The following IQGAP2 variants were observed in gnomAD, a reference collection of about 807,000 sequenced individuals.
IQGAP2 encodes ras GTPase-activating-like protein IQGAP2.
In IQGAP2, 173 loss-of-function variants were observed where a neutral mutation model predicts 201.3. The observed-to-expected ratio is 0.86, with a 90% CI of 0.76 to 0.98. The LOEUF (loss-of-function observed/expected upper bound fraction) is 0.98, where lower values mean the gene tolerates loss of function less well. Ranked by LOEUF, IQGAP2 falls within the 50% of genes least tolerant of loss-of-function variation. The pLI is 0.00. For synonymous variants in IQGAP2, 675 were observed against 673.9 expected (o/e 1.00, Z -0.03); for missense variants, 1,687 against 1,864.8 (o/e 0.90, Z 1.76).
rs773595191 is a variant in IQGAP2 at position 76,562,501 on chromosome 5, G to T, written c.252G>T (p.Pro84=). The T allele has an allele frequency of 6.2e-7, 1 of 1,614,014 alleles. No homozygotes were observed. The highest frequency in any genetic ancestry group is 8.5e-7 in the Non-Finnish European group (1 of 1,179,904). Residue 84 remains proline (P), a synonymous_variant, in exon 3 of 36, where the codon CCG becomes CCT. Transcript: ENST00000274364. ...CAAAGTTAGCCAAGTTCTTTGCCCC[G>T]AAAATGGTATCAGAGAAAAAGATCT... ...YLAKLAKFFA[P]KMVSEKKIYD... is the part of the protein sequence containing the mutation.
intron 2 of IQGAP2, among the ~76,000 whole-genome samples, chr5:76,496,746 TTTCTTTCTTTCTTTCTTTCTTTCTTTC>T (rs1756962121): frequency 1.8e-5 from 1 of 56,880 alleles, no homozygotes; most frequent in African/African-American, 8.0e-5. Flanking sequence ...TCTTTCTTTC[TTTCTTTCTTTCTTTCTTTCTTTCTTTC>T]TTTCTTTCTT....
chr5:76,595,768 AAGAGAGAGAG>A (rs142088212), intron 9 of IQGAP2, among the ~76,000 whole-genome samples: 16 of 144,294 alleles, frequency 1.1e-4, no homozygotes, highest in East Asian at 4.1e-4. Context: ...CAAAAAAAGA[AAGAGAGAGAG>A]AGAGAGAGAG....
intron 13 of IQGAP2, chr5:76,618,362 G>C: frequency 6.2e-7 from 1 of 1,614,136 alleles, no homozygotes. Flanking sequence ...GCATCCACAG[G>C]GTCACAGCAT....
At chr5:76,539,904 T>C (rs1160906913) in intron 2 of IQGAP2, among the ~76,000 whole-genome samples, 3 of 152,210 alleles carry the variant, frequency 2.0e-5, no homozygotes. Context: ...AGGATGTTCT[T>C]CCTGTGCATC....
intron 7 of IQGAP2, 98 bp from the exon 8 acceptor site, chr5:76,590,310 G>T (rs1183567340): frequency 3.2e-6 from 3 of 941,646 alleles, no homozygotes; most frequent in Non-Finnish European, 4.8e-6. Context: ...AGCCAAGAAA[G>T]AAAGTAAAAC....
At chr5:76,556,785 G>C (rs1743980745) in intron 2 of IQGAP2, among the ~76,000 whole-genome samples, 1 of 152,192 alleles carries the variant, frequency 6.6e-6, no homozygotes, top group Non-Finnish European at 1.5e-5. Context: ...ATGATTGATA[G>C]GAGTTTCCAA....
chr5:76,500,663 T>C (rs1356686112), intron 2 of IQGAP2, among the ~76,000 whole-genome samples: 2 of 152,222 alleles, frequency 1.3e-5, no homozygotes, highest in East Asian at 3.8e-4. Flanking sequence ...TTTATTATTA[T>C]TTTTTTCTAG....
chr5:76,581,589 G>A (rs1394584930), intron 5 of IQGAP2, among the ~76,000 whole-genome samples: 1 of 152,036 alleles, frequency 6.6e-6, no homozygotes, highest in East Asian at 1.9e-4. Context: ...CCTAAATTCT[G>A]AGCTCTTAAG....
chr5:76,553,490 C>T (rs1743703560), intron 2 of IQGAP2, among the ~76,000 whole-genome samples: 1 of 152,170 alleles, frequency 6.6e-6, no homozygotes, highest in Admixed American at 6.5e-5. Context: ...TGGTGATTTC[C>T]TGAGTAACAA....
intron 2 of IQGAP2, among the ~76,000 whole-genome samples, chr5:76,499,132 T>C (rs1757142410): frequency 1.3e-5 from 2 of 152,316 alleles, no homozygotes; most frequent in South Asian, 4.1e-4. Context: ...GGTTCTAATT[T>C]GCCACCAGTG....
At chr5:76,613,127 T>C in intron 13 of IQGAP2, among the ~76,000 whole-genome samples, 1 of 152,148 alleles carries the variant, frequency 6.6e-6, no homozygotes, top group East Asian at 1.9e-4. Flanking sequence ...ATACCACCTG[T>C]GGAATGGGTG....
intron 16 of IQGAP2, among the ~76,000 whole-genome samples, chr5:76,638,228 A>C (rs1000584471): frequency 1.3e-5 from 2 of 152,196 alleles, no homozygotes; most frequent in Non-Finnish European, 2.9e-5. Flanking sequence ...AAAATACAAA[A>C]ATTAGCTGGG....
intron 17 of IQGAP2, among the ~76,000 whole-genome samples, chr5:76,646,567 A>G (rs1375023034): frequency 1.3e-5 from 2 of 152,196 alleles, no homozygotes; most frequent in East Asian, 3.8e-4. Context: ...AACTCCAGAT[A>G]ATAATTCATC....
chr5:76,514,574 G>T (rs779789470), intron 2 of IQGAP2, among the ~76,000 whole-genome samples: 4 of 152,154 alleles, frequency 2.6e-5, no homozygotes, highest in Non-Finnish European at 5.9e-5. Context: ...AAAAACCTTT[G>T]TTCATGCTAC....
At chr5:76,490,329 G>A (rs1415121286) in intron 2 of IQGAP2, among the ~76,000 whole-genome samples, 2 of 152,098 alleles carry the variant, frequency 1.3e-5, no homozygotes, top group Non-Finnish European at 2.9e-5. Flanking sequence ...GGGATTGCTG[G>A]TACTTTGAGG....
chr5:76,500,783 C>T (rs1322210458), intron 2 of IQGAP2, among the ~76,000 whole-genome samples: 1 of 152,088 alleles, frequency 6.6e-6, no homozygotes, highest in Non-Finnish European at 1.5e-5. Context: ...ATCTTTAGAG[C>T]TCAAGGTAAT....
chr5:76,623,580 C>A (rs1290544054), intron 13 of IQGAP2: 1 of 231,176 alleles, frequency 4.3e-6, no homozygotes, highest in Non-Finnish European at 8.5e-6. Context: ...ATTACACAGG[C>A]CTTTACAGAA....
intron 2 of IQGAP2, among the ~76,000 whole-genome samples, chr5:76,476,511 G>A (rs1226171167): frequency 6.6e-6 from 1 of 152,182 alleles, no homozygotes; most frequent in Non-Finnish European, 1.5e-5. Flanking sequence ...GGTAGAGAAA[G>A]TGTAAACAAA....
rs188008684 is a variant in IQGAP2, at chr5:76,462,087, G to A, written c.146+418G>A. Among the ~76,000 whole-genome samples the A allele has an allele frequency of 5.3e-3, 811 of 152,334 alleles. 1 individual carries two copies. Among genetic ancestry groups the A allele is most frequent in the Middle Eastern group, 0.024 (7 of 294 alleles). On this transcript the variant is annotated intron_variant, in intron 2 of 35. Transcript: ENST00000274364. ...CCAAAGTTGAGGCACTAGGAGGAAGGCAACTATTCATTTCCCTGCCTCGGA... is the reference window on the plus strand; with the variant it reads ...CCAAAGTTGAGGCACTAGGAGGAAGACAACTATTCATTTCCCTGCCTCGGA...
Sources: allele counts gnomAD v4.1 joint callset (sites outside exome capture counted in the v4.1 genomes callset), GRCh38; gene constraint gnomAD v4.1.1; transcripts MANE v1.5; gene names NCBI Gene and HGNC (gene_info 2026-07-23, HGNC 2026-07-21).